Variants in XKR4 observed in about 807,000 individuals in gnomAD.
XKR4 encodes XK-related protein 4.
In XKR4, 12 loss-of-function variants were observed where a neutral mutation model predicts 53.9. The observed-to-expected ratio is 0.22, with a 90% CI of 0.14 to 0.36. The LOEUF is 0.36. XKR4 is among the 10% of genes least tolerant of loss of function. XKR4 has a pLI of 1.00. For missense variants in XKR4, 799 were observed against 859.5 expected (o/e 0.93, Z 0.88); for synonymous variants, 354 against 362.4 (o/e 0.98, Z 0.26).
At chr8:55,271,839 G>T (rs76668943) in intron 1 of XKR4, among the ~76,000 whole-genome samples, 2,192 of 152,292 alleles carry the variant, frequency 0.014, 53 homozygotes, top group African/African-American at 0.05. Flanking sequence ...TAGCTTCCTG[G>T]ACTGTCTCTA....
intron 1 of XKR4, among the ~76,000 whole-genome samples, chr8:55,342,561 G>GC (rs1803569845): frequency 1.3e-5 from 2 of 151,790 alleles, no homozygotes; most frequent in East Asian, 3.9e-4. Flanking sequence ...ATCTCCCACT[G>GC]CCCCCCACCG....
At chr8:55,435,155 C>T (rs991012480) in intron 2 of XKR4, among the ~76,000 whole-genome samples, 5 of 152,198 alleles carry the variant, frequency 3.3e-5, no homozygotes, top group African/African-American at 9.7e-5. Context: ...GTCAGCTGCT[C>T]AGGGCTTTCC....
Position 55,539,973 on chromosome 8 carries a change from C to A in XKR4, c.*15746C>A, listed in dbSNP as rs189788045. ...AGAGCTGGACAACCCTTTGAAATGA[C>A]AGAGTCTAGATTCTTCACCAAACAG... On this transcript the variant is annotated 3_prime_UTR_variant, in exon 3 of 3. Transcript: ENST00000327381. 13 of 152,232 alleles carry A rather than the reference C, an allele frequency of 8.5e-5. No individual in the cohort carries two copies. Among genetic ancestry groups the A allele is most frequent in the African/African-American group, 2.9e-4 (12 of 41,546 alleles). 9.4% of individuals were successfully genotyped at this position (152,232 alleles called of 1,614,324 possible).
At chr8:55,233,134 A>G (rs532461127) in intron 1 of XKR4, among the ~76,000 whole-genome samples, 2 of 152,320 alleles carry the variant, frequency 1.3e-5, no homozygotes, top group South Asian at 4.1e-4. Context: ...CACTCAATTG[A>G]AAGGGGGAAT....
chr8:55,475,714 T>C (rs531601909), intron 2 of XKR4, among the ~76,000 whole-genome samples: 61 of 152,032 alleles, frequency 4.0e-4, no homozygotes, highest in Non-Finnish European at 7.9e-4. Context: ...AACAGTTCTC[T>C]ACCTCAGCCT....
At chr8:55,313,187 C>T (rs1819412038) in intron 1 of XKR4, among the ~76,000 whole-genome samples, 1 of 152,050 alleles carries the variant, frequency 6.6e-6, no homozygotes, top group Non-Finnish European at 1.5e-5. Context: ...CCCTAATTCA[C>T]TCTTCAAAAA....
At position 55,528,114 on chromosome 8, in the gene XKR4, A is replaced by C. The variant is rs1379676662; in HGVS notation, c.*3887A>C. 6.6e-6 allele frequency: 1 copy of C among 152,244 alleles called. No individual in the cohort carries two copies. Among genetic ancestry groups the C allele is most frequent in the African/African-American group, 2.4e-5 (1 of 41,474 alleles). The allele number at this position is 152,244 out of a possible 1,614,324, so 9.4% of individuals were successfully genotyped here. On this transcript the variant is annotated 3_prime_UTR_variant, in exon 3 of 3. Coordinates refer to ENST00000327381, the MANE Select transcript of XKR4 (RefSeq NM_052898.2). ...TATGTTATGCATATAAATTGTACAT[A>C]AACTTTTTAGAAAAGAAGCATTTTC...
chr8:55,374,809 A>G (rs557288177), intron 2 of XKR4, among the ~76,000 whole-genome samples: 5 of 152,316 alleles, frequency 3.3e-5, no homozygotes, highest in African/African-American at 1.2e-4. Flanking sequence ...ATTAGAGGAG[A>G]GGGCATCGTG....
At chr8:55,464,589 C>A (rs1193794674) in intron 2 of XKR4, among the ~76,000 whole-genome samples, 1 of 152,046 alleles carries the variant, frequency 6.6e-6, no homozygotes, top group Non-Finnish European at 1.5e-5. Context: ...ACAGGGATGC[C>A]CTCTCTCACT....
At chr8:55,419,864 C>G (rs1804898854) in intron 2 of XKR4, among the ~76,000 whole-genome samples, 1 of 152,210 alleles carries the variant, frequency 6.6e-6, no homozygotes, top group African/African-American at 2.4e-5. Flanking sequence ...CTATTACTCT[C>G]TATTTTTCAT....
intron 1 of XKR4, among the ~76,000 whole-genome samples, chr8:55,243,876 C>T (rs1340645877): frequency 6.6e-6 from 1 of 152,190 alleles, no homozygotes; most frequent in South Asian, 2.1e-4. Context: ...TGAAGGATAA[C>T]CTAGACAGTG....
At chr8:55,169,986 A>C (rs1453968514) in intron 1 of XKR4, among the ~76,000 whole-genome samples, 2 of 152,222 alleles carry the variant, frequency 1.3e-5, no homozygotes, top group Non-Finnish European at 2.9e-5. Flanking sequence ...TGTTGCATAT[A>C]TCTTGAGTTA....
chr8:55,299,990 G>A (rs1369537877), intron 1 of XKR4, among the ~76,000 whole-genome samples: 1 of 152,130 alleles, frequency 6.6e-6, no homozygotes, highest in East Asian at 1.9e-4. Context: ...GGCCTTCTGG[G>A]AGGGGAGGGA....
intron 1 of XKR4, among the ~76,000 whole-genome samples, chr8:55,321,532 T>C (rs541107964): frequency 1.3e-5 from 2 of 152,346 alleles, no homozygotes; most frequent in South Asian, 4.1e-4. Context: ...TGGGACAGCA[T>C]ACTCTGTGCT....
In XKR4 at chr8:55,103,041, T is replaced by C. The variant is rs1400444186; in HGVS notation, c.553T>C (p.Cys185Arg). Residue 185 changes from cysteine (C) to arginine (R), a missense_variant, in exon 1 of 3, where the codon TGC (cysteine) becomes CGC (arginine). Transcript: ENST00000327381. Reference protein sequence around the residue: ...DSATAAAASSCPQPGADCKTV... With the variant: ...DSATAAAASSRPQPGADCKTV... ...CGCCACGGCCGCTGCTGCCTCCAGC[T>C]GCCCGCAGCCTGGAGCCGATTGCAA... The C allele has an allele frequency of 1.9e-6, 3 of 1,612,528 alleles. No individual in the cohort carries two copies. Among genetic ancestry groups the C allele is most frequent in the Non-Finnish European group, 2.5e-6 (3 of 1,179,762 alleles).
At position 55,541,206 on chromosome 8, in the gene XKR4, A is replaced by G. The variant is rs1457373852; in HGVS notation, c.*16979A>G. ...AACATTTCAAAAGGATATTTGGTGC[A>G]AAGCAATTTTCAAAAATTTGTACAT... is the stretch of plus-strand genomic sequence containing the variant. On this transcript the variant is annotated 3_prime_UTR_variant, in exon 3 of 3. Coordinates refer to ENST00000327381, the MANE Select transcript of XKR4 (RefSeq NM_052898.2). The G allele has an allele frequency of 6.6e-6, 1 of 152,220 alleles. No individual in the cohort carries two copies. The highest frequency in any genetic ancestry group is 1.9e-4 in the East Asian group (1 of 5,202). 9.4% of individuals were successfully genotyped at this position (152,220 alleles called of 1,614,324 possible).
chr8:55,321,671 A>G (rs1018767085), intron 1 of XKR4, among the ~76,000 whole-genome samples: 4 of 152,158 alleles, frequency 2.6e-5, no homozygotes, highest in African/African-American at 7.2e-5. Context: ...CATTCAGCAT[A>G]TATTTGTGAA....
At chr8:55,328,018 C>T (rs548042252) in intron 1 of XKR4, among the ~76,000 whole-genome samples, 32 of 122,184 alleles carry the variant, frequency 2.6e-4, no homozygotes, top group African/African-American at 7.1e-4. Flanking sequence ...TCCAACACTG[C>T]TATGAAAAAA....
Position 55,453,609 on chromosome 8 carries a change from G to A in XKR4, c.1007-69672G>A, listed in dbSNP as rs78543961. The A allele has an allele frequency of 2.7e-4, 111 of 412,292 alleles. 1 individual carries two copies. The East Asian group carries it at 5.8e-3, about 22-fold the overall frequency. The allele number at this position is 412,292 out of a possible 1,614,324, so 25.5% of individuals were successfully genotyped here. ...GCCTTCATGGCTAGGGGTGCACCTT[G>A]CATCTTGGCCTCAGCCTGGTCCACG... is the stretch of plus-strand genomic sequence containing the variant. On this transcript the variant is annotated intron_variant, in intron 2 of 2. Coordinates refer to ENST00000327381, the MANE Select transcript of XKR4 (RefSeq NM_052898.2).
Sources: allele counts gnomAD v4.1 joint callset (sites outside exome capture counted in the v4.1 genomes callset), GRCh38; gene constraint gnomAD v4.1.1; transcripts MANE v1.5; gene names NCBI Gene and HGNC (gene_info 2026-07-23, HGNC 2026-07-21).